Variants in PRICKLE1 observed in about 807,000 individuals in gnomAD.
PRICKLE1 encodes the protein prickle planar cell polarity protein 1.
Under a neutral mutation model 70.2 loss-of-function variants are expected in PRICKLE1, and 14 were observed. That is an observed-to-expected ratio of 0.20 (90% CI 0.13 to 0.31). The LOEUF (loss-of-function observed/expected upper bound fraction) is 0.31. PRICKLE1 is among the 10% of genes least tolerant of loss of function. The pLI is 1.00. For missense variants in PRICKLE1, 821 were observed against 1,026.2 expected, an observed-to-expected ratio of 0.80 and a Z score of 2.73; for synonymous variants, 357 against 379.9, an observed-to-expected ratio of 0.94 and a Z score of 0.70.
chr12:42,585,924 C>T (rs1240643336), intron 1 of PRICKLE1, among the ~76,000 whole-genome samples: 1 of 152,144 alleles, frequency 6.6e-6, no homozygotes, highest in African/African-American at 2.4e-5. Flanking sequence ...CATCTTGGTC[C>T]TTGGAACGTG....
At chr12:42,509,214 G>A (rs1939470780) in intron 1 of PRICKLE1, among the ~76,000 whole-genome samples, 1 of 152,156 alleles carries the variant, frequency 6.6e-6, no homozygotes, top group South Asian at 2.1e-4. Context: ...CAAGTGCTAA[G>A]GCATTTACCC....
intron 1 of PRICKLE1, among the ~76,000 whole-genome samples, chr12:42,525,524 T>C (rs1939785984): frequency 6.6e-6 from 1 of 152,156 alleles, no homozygotes; most frequent in Non-Finnish European, 1.5e-5. Context: ...GGATCTGCTG[T>C]TCTCTCCAGG....
Position 42,466,234 on chromosome 12 carries a change from A to G in PRICKLE1, c.735T>C (p.Ser245=). The stretch of plus-strand genomic sequence containing the variant: ...AGGTTTCACAGTACTCCGCATAGAG[A>G]GACTCAAAACAGCCACAGCAGAAGG... ...GRPFCCGCFE[S]LYAEYCETCG... Residue 245 remains serine, a synonymous_variant, in exon 6 of 8, where the codon TCT becomes TCC. Transcript: ENST00000345127. 1.2e-6 allele frequency: 2 copies of G among 1,614,208 alleles called. No individual in the cohort carries two copies. The highest frequency in any genetic ancestry group is 1.7e-6 in the Non-Finnish European group (2 of 1,180,048).
intron 1 of PRICKLE1, among the ~76,000 whole-genome samples, chr12:42,568,515 T>C (rs77034612): frequency 0.025 from 3,812 of 152,328 alleles, 69 homozygotes; most frequent in Non-Finnish European, 0.037. Context: ...GTGTAAATAC[T>C]AACTGAGCAA....
chr12:42,546,299 C>T (rs369932737), intron 1 of PRICKLE1, among the ~76,000 whole-genome samples: 1 of 152,204 alleles, frequency 6.6e-6, no homozygotes, highest in South Asian at 2.1e-4. Context: ...TAATCAATCA[C>T]AGACAAAATT....
chr12:42,504,121 C>A lies in PRICKLE1; in HGVS notation c.-48-31557G>T, dbSNP rs935394657. Among the ~76,000 whole-genome samples the A allele has an allele frequency of 2.6e-4, 39 of 152,116 alleles. 1 individual carries two copies. Among genetic ancestry groups the A allele is most frequent in the Middle Eastern group, 3.4e-3 (1 of 294 alleles). On this transcript the variant is annotated intron_variant, in intron 1 of 7. Transcript: ENST00000345127. The stretch of plus-strand genomic sequence containing the variant: ...GAGGAAAATGAGATATGAAGAAGAG[C>A]GAGGTCTGAGGAAAATTCTGTATCA...
intron 5 of PRICKLE1, among the ~76,000 whole-genome samples, chr12:42,468,324 T>A (rs537195189): frequency 6.6e-6 from 1 of 152,210 alleles, no homozygotes; most frequent in Non-Finnish European, 1.5e-5. Context: ...TTCTGCAGCT[T>A]GTATTTTCTC....
intron 1 of PRICKLE1, among the ~76,000 whole-genome samples, chr12:42,473,713 G>C (rs1938411914): frequency 1.3e-5 from 2 of 151,904 alleles, no homozygotes. Context: ...AAAGTCAAGA[G>C]ACTTGTCCAA....
At chr12:42,522,240 T>C (rs2120483311) in intron 1 of PRICKLE1, among the ~76,000 whole-genome samples, 1 of 152,248 alleles carries the variant, frequency 6.6e-6, no homozygotes, top group East Asian at 1.9e-4. Context: ...CCTCCCAAAG[T>C]GCTGGTATTA....
chr12:42,543,162 G>T (rs1592015421), intron 1 of PRICKLE1, among the ~76,000 whole-genome samples: 1 of 152,318 alleles, frequency 6.6e-6, no homozygotes. Context: ...TTATAAGCCA[G>T]CCAGCCCAAG....
intron 1 of PRICKLE1, among the ~76,000 whole-genome samples, chr12:42,526,579 G>C (rs1363878917): frequency 2.6e-5 from 4 of 152,046 alleles, no homozygotes; most frequent in Non-Finnish European, 5.9e-5. Context: ...GTGCACATGG[G>C]GAAATTGGAT....
chr12:42,554,044 C>T lies in PRICKLE1; in HGVS notation c.-49+35421G>A, dbSNP rs771886724. 3.2e-4 allele frequency among the ~76,000 whole-genome samples: 49 copies of T among 152,170 alleles called. 1 individual carries two copies. Among genetic ancestry groups the T allele is most frequent in the Non-Finnish European group, 5.6e-4 (38 of 68,028 alleles). ...GCTTGAACCCGGGAGGCAGAGGTTG[C>T]AGTGGACTGAGATCCCACCATTGCA... is the stretch of plus-strand genomic sequence containing the variant. On this transcript the variant is annotated intron_variant, in intron 1 of 7. Coordinates refer to ENST00000345127, the MANE Select transcript of PRICKLE1 (RefSeq NM_153026.3).
chr12:42,562,137 T>C (rs1940527494), intron 1 of PRICKLE1, among the ~76,000 whole-genome samples: 1 of 152,132 alleles, frequency 6.6e-6, no homozygotes, highest in Non-Finnish European at 1.5e-5. Flanking sequence ...CTCAAACTCC[T>C]GACTTCAGGT....
intron 1 of PRICKLE1, among the ~76,000 whole-genome samples, chr12:42,479,657 C>A (rs898593032): frequency 1.3e-5 from 2 of 152,152 alleles, no homozygotes; most frequent in African/African-American, 2.4e-5. Flanking sequence ...AAAGCCAGAA[C>A]TTAGAAAGAA....
At chr12:42,560,103 A>T (rs1040542545) in intron 1 of PRICKLE1, among the ~76,000 whole-genome samples, 6 of 139,894 alleles carry the variant, frequency 4.3e-5, no homozygotes, top group Middle Eastern at 3.7e-3. Flanking sequence ...AATCTCCTTT[A>T]ATTATTATTA....
At chr12:42,486,051 G>A (rs1203496069) in intron 1 of PRICKLE1, among the ~76,000 whole-genome samples, 1 of 152,170 alleles carries the variant, frequency 6.6e-6, no homozygotes, top group Non-Finnish European at 1.5e-5. Context: ...TTTTGTTTCA[G>A]CCAGGTGGAA....
chr12:42,477,466 G>GTA (rs1938599482), intron 1 of PRICKLE1, among the ~76,000 whole-genome samples: 2 of 17,854 alleles, frequency 1.1e-4, no homozygotes, highest in South Asian at 3.6e-3. Flanking sequence ...ACGTATATAT[G>GTA]TGTGTGTGTG....
chr12:42,573,160 T>C (rs1940748813), intron 1 of PRICKLE1, among the ~76,000 whole-genome samples: 2 of 152,204 alleles, frequency 1.3e-5, no homozygotes, highest in Admixed American at 6.5e-5. Flanking sequence ...ATAAATAAAA[T>C]GCTCTGTGGA....
chr12:42,514,045 A>T (rs1212293193), intron 1 of PRICKLE1, among the ~76,000 whole-genome samples: 1 of 152,160 alleles, frequency 6.6e-6, no homozygotes, highest in Non-Finnish European at 1.5e-5. Flanking sequence ...CATGGATACA[A>T]TCTCATTGTA....
Sources: allele counts gnomAD v4.1 joint callset (sites outside exome capture counted in the v4.1 genomes callset), GRCh38; gene constraint gnomAD v4.1.1; transcripts MANE v1.5; gene names NCBI Gene and HGNC (gene_info 2026-07-23, HGNC 2026-07-21).